Variants in ZCCHC8 observed in about 807,000 individuals in gnomAD.
The protein encoded by ZCCHC8 is zinc finger CCHC-type containing 8.
In ZCCHC8, 27 loss-of-function variants were observed where a neutral mutation model predicts 70.6. The ratio of observed to expected loss-of-function variants is 0.38; its 90% CI spans 0.28 to 0.53. The LOEUF (loss-of-function observed/expected upper bound fraction) is 0.53. Ranked by LOEUF, ZCCHC8 falls within the 20% of genes least tolerant of loss-of-function variation. The pLI, the probability that ZCCHC8 is intolerant of heterozygous loss-of-function variation, is 0.81. For missense variants in ZCCHC8, 737 were observed against 876.9 expected (o/e 0.84, Z 2.01); for synonymous variants, 293 against 317.4 (o/e 0.92, Z 0.82).
At chr12:122,487,496 G>A (rs928218709) in intron 5 of ZCCHC8, among the ~76,000 whole-genome samples, 1 of 152,138 alleles carries the variant, frequency 6.6e-6, no homozygotes, top group East Asian at 1.9e-4. Flanking sequence ...TTTGACTCCA[G>A]TAATACTGAA....
At chr12:122,485,245 G>C (rs949331118) in intron 5 of ZCCHC8, among the ~76,000 whole-genome samples, 1 of 152,222 alleles carries the variant, frequency 6.6e-6, no homozygotes, top group East Asian at 1.9e-4. Context: ...CTCTCAAGTA[G>C]CTGGGATTAC....
At chr12:122,477,777 T>G in intron 13 of ZCCHC8, 64 bp downstream of exon 13, 1 of 1,202,218 alleles carries the variant, frequency 8.3e-7, no homozygotes, top group Non-Finnish European at 1.2e-6. Flanking sequence ...GTGACAAGAG[T>G]GAGACTCCAT....
At position 122,474,235 on chromosome 12, in the gene ZCCHC8, A is replaced by G; in HGVS notation, c.1386T>C (p.Phe462=). Residue 462 remains phenylalanine (F), a synonymous_variant, in exon 14 of 14, where the codon TTT becomes TTC. Transcript: ENST00000633063. ...CAGGAGGTAATGGTGGTTGAAACTG[A>G]AAACTTTCGCTGCTCTGAGAACCAT... The part of the protein sequence containing the change: ...VPHGSQSSES[F]QFQPPLPPDT... The G allele has an allele frequency of 6.8e-7, 1 of 1,479,928 alleles. No homozygotes were observed. Among genetic ancestry groups the G allele is most frequent in the Non-Finnish European group, 8.9e-7 (1 of 1,120,736 alleles). The allele number at this position is 1,479,928 out of a possible 1,614,324, so 91.7% of individuals were successfully genotyped here.
chr12:122,481,272 G>T, intron 10 of ZCCHC8: 1 of 298,864 alleles, frequency 3.3e-6, no homozygotes, highest in East Asian at 5.9e-5. Context: ...AGCTTATGAG[G>T]ACTGGCTGGA....
intron 11 of ZCCHC8, among the ~76,000 whole-genome samples, chr12:122,479,019 CAA>C (rs1957478342): frequency 6.6e-6 from 1 of 152,212 alleles, no homozygotes; most frequent in African/African-American, 2.4e-5. Flanking sequence ...ACTCTAACTT[CAA>C]GTCTTTGGCT....
chr12:122,495,957 TAGG>T (rs1957821311), intron 2 of ZCCHC8, among the ~76,000 whole-genome samples: 1 of 148,568 alleles, frequency 6.7e-6, no homozygotes, highest in African/African-American at 2.5e-5. Context: ...CACTTGAGCC[TAGG>T]AGTTTGAAAC....
In ZCCHC8 at chr12:122,483,835, C is replaced by T. The variant is rs141429747; in HGVS notation, c.502-272G>A. 1.3e-3 allele frequency: 412 copies of T among 321,180 alleles called. 1 individual carries two copies. Among genetic ancestry groups the T allele is most frequent in the African/African-American group, 8.3e-3 (381 of 46,142 alleles). The allele number at this position is 321,180 out of a possible 1,614,324, so 19.9% of individuals were successfully genotyped here. A position where few individuals can be genotyped will look rare whatever the true frequency, so the allele number is the denominator to read the frequency against. On this transcript the variant is annotated intron_variant, in intron 5 of 13. Transcript: ENST00000633063. This position sits in a 1 kb window ranked among gnomAD's most constrained non-coding sequence, Gnocchi z 4.4. The stretch of plus-strand genomic sequence containing the variant: ...TTCAAACAAAAAATGAAAACCTTGA[C>T]TCTCATATTTCCCTCCAATGCCCCA...
chr12:122,482,805 G>T, intron 7 of ZCCHC8, 110 bp from the exon 8 acceptor site: 2 of 804,874 alleles, frequency 2.5e-6, no homozygotes, highest in Non-Finnish European at 4.0e-6. Flanking sequence ...AAAGCAAGTT[G>T]ATCACAGATC....
At position 122,473,732 on chromosome 12, in the gene ZCCHC8, A is replaced by G. The variant is rs1189763103; in HGVS notation, c.1889T>C (p.Val630Ala). The G allele has an allele frequency of 1.2e-6, 2 of 1,613,828 alleles. No individual in the cohort carries two copies. The highest frequency in any genetic ancestry group is 2.7e-5 in the African/African-American group (2 of 74,924). ...CCCATTGCTGATGTCACAGTTTGGT[A>G]CGACACTGCCATTATCAAGAAGGGC... ...EGALLDNGSVVPNCDISNGGS... is the reference protein window; with the variant it reads ...EGALLDNGSVAPNCDISNGGS... The change falls in exon 14 of 14, where the codon GTA becomes GCA. Residue 630 changes from valine to alanine, a missense_variant. Val to Ala is a moderately conservative substitution (Grantham distance 64). Coordinates refer to ENST00000633063, the MANE Select transcript of ZCCHC8 (RefSeq NM_017612.5).
chr12:122,483,289 TTACTTG>T lies in ZCCHC8; in HGVS notation c.655_660del (p.Gln219_Val220del). 6 of 1,597,060 alleles carry T rather than the reference TTACTTG, an allele frequency of 3.8e-6. No individual in the cohort carries two copies. The highest frequency in any genetic ancestry group is 5.1e-6 in the Non-Finnish European group (6 of 1,170,632). ...ACTCCCCACACAAACCTTTTTGCCT[TTACTTG>T]TATTTCTTGCCCTTCTAGAGAAACA... On this transcript the variant is annotated inframe_deletion, in exon 7 of 14. Transcript: ENST00000633063. This position sits in a 1 kb window ranked among gnomAD's most constrained non-coding sequence, Gnocchi z 4.4.
intron 4 of ZCCHC8, among the ~76,000 whole-genome samples, chr12:122,489,752 C>A: frequency 6.6e-6 from 1 of 151,910 alleles, no homozygotes; most frequent in East Asian, 1.9e-4. Context: ...ATAATATAAC[C>A]CTCACAGACC....
rs772092860 is a variant in ZCCHC8, at chr12:122,480,217, A to G, written c.1113T>C (p.Asn371=). The change falls in exon 11 of 14, where the codon AAT becomes AAC. Residue 371 remains asparagine (N), a synonymous_variant. Coordinates refer to ENST00000633063, the MANE Select transcript of ZCCHC8 (RefSeq NM_017612.5). ...LSKLVNYPGF[N]ISTPRGIPDE... Reference sequence around the variant, plus strand: ...CTGGAATTCCTCTGGGAGTAGATATATTAAAACCAGGATAGTTGACCAATT... The same window carrying G: ...CTGGAATTCCTCTGGGAGTAGATATGTTAAAACCAGGATAGTTGACCAATT... 4 of 1,594,844 alleles carry G rather than the reference A, an allele frequency of 2.5e-6. No homozygotes were observed. The highest frequency in any genetic ancestry group is 1.7e-5 in the Admixed American group (1 of 57,836).
At chr12:122,481,723 A>C in intron 9 of ZCCHC8, 59 bp from the exon 10 acceptor site, 1 of 1,555,850 alleles carries the variant, frequency 6.4e-7, no homozygotes, top group East Asian at 2.3e-5. Context: ...GAAAACACAT[A>C]GTATTCTGGT....
At position 122,473,999 on chromosome 12, in the gene ZCCHC8, G is replaced by C; in HGVS notation, c.1622C>G (p.Ser541Cys). The C allele has an allele frequency of 6.4e-7, 1 of 1,574,330 alleles. No individual in the cohort carries two copies. Among genetic ancestry groups the C allele is most frequent in the Non-Finnish European group, 8.6e-7 (1 of 1,161,856 alleles). Reference protein sequence around the residue: ...LEQAESVNSDSDVPVDTPLTG... With the variant: ...LEQAESVNSDCDVPVDTPLTG... ...TAAAGGTGTGTCCACAGGAACGTCGGAGTCGCTGTTTACGCTCTCGGCCTG... is the reference window on the plus strand; with the variant it reads ...TAAAGGTGTGTCCACAGGAACGTCGCAGTCGCTGTTTACGCTCTCGGCCTG... The change falls in exon 14 of 14, where the codon TCC becomes TGC. Residue 541 changes from serine (S) to cysteine (C), a missense_variant. Ser to Cys is a moderately radical substitution (Grantham distance 112, BLOSUM62 -1). Transcript: ENST00000633063.
intron 2 of ZCCHC8, among the ~76,000 whole-genome samples, chr12:122,498,372 G>A (rs1405945698): frequency 1.3e-5 from 2 of 151,526 alleles, no homozygotes; most frequent in African/African-American, 4.9e-5. Context: ...CAGTTGATCC[G>A]CCCACCTCGG....
Position 122,481,627 on chromosome 12 carries a change from T to C in ZCCHC8, c.913A>G (p.Ser305Gly). 6.2e-7 allele frequency: 1 copy of C among 1,613,836 alleles called. No homozygotes were observed. The highest frequency in any genetic ancestry group is 8.5e-7 in the Non-Finnish European group (1 of 1,179,874). The change falls in exon 10 of 14, where the codon AGT becomes GGT. Residue 305 changes from serine to glycine, a missense_variant. Physicochemically the swap from Ser to Gly is moderately conservative, Grantham distance 56. Transcript: ENST00000633063. ...ATCCGATAGATAAAAGGTGGAAGAC[T>C]CTTGTCTGTCACACCTAGTGCATCT... is the stretch of plus-strand genomic sequence containing the variant. ...LQDALGVTDK[S>G]LPPFIYRMRQ... is the part of the protein sequence containing the mutation.
rs982726634 is a variant in ZCCHC8 at position 122,500,909 on chromosome 12, G to C, written c.-69C>G. On this transcript the variant is annotated 5_prime_UTR_variant, in exon 1 of 14. Transcript: ENST00000633063. This position sits in a 1 kb window ranked among gnomAD's most constrained non-coding sequence, Gnocchi z 4.8. ...CAGGGCTTGGGGAAGAAGGTTGGAAGGCGGCACCACTCTCTAGAGCTCTGG... is the reference window on the plus strand; with the variant it reads ...CAGGGCTTGGGGAAGAAGGTTGGAACGCGGCACCACTCTCTAGAGCTCTGG... 6 of 1,499,710 alleles carry C rather than the reference G, an allele frequency of 4.0e-6. No homozygotes were observed. The African/African-American group carries it at 7.0e-5, about 17-fold the overall frequency. The allele number at this position is 1,499,710 out of a possible 1,614,324, so 92.9% of individuals were successfully genotyped here.
chr12:122,490,576 GA>G lies in ZCCHC8; in HGVS notation c.318-10del, dbSNP rs778740417. 8.2e-6 allele frequency: 13 copies of G among 1,577,246 alleles called. No homozygotes were observed. Among genetic ancestry groups the G allele is most frequent in the Non-Finnish European group, 9.5e-6 (11 of 1,153,666 alleles). ...TTTCTTGATGATATTGCCTGTGTAA[GA>G]GGACAAAATGGTCAGAACCCAGACA... is the stretch of plus-strand genomic sequence containing the variant. On this transcript the variant is annotated splice_polypyrimidine_tract_variant and intron_variant, in intron 3 of 13. Coordinates refer to ENST00000633063, the MANE Select transcript of ZCCHC8 (RefSeq NM_017612.5).
Position 122,500,807 on chromosome 12 carries a change from G to T in ZCCHC8, c.34C>A (p.Leu12Ile), listed in dbSNP as rs1233939328. 1.3e-6 allele frequency: 2 copies of T among 1,578,962 alleles called. No individual in the cohort carries two copies. Among genetic ancestry groups the T allele is most frequent in the African/African-American group, 2.7e-5 (2 of 74,080 alleles). ...TCTGGGTGGTCGAACGGCTCGAAGA[G>T]CTCTAGATCGCCAAAATACACCTCT... ...AAEVYFGDLELFEPFDHPEES... is the reference protein window; with the variant it reads ...AAEVYFGDLEIFEPFDHPEES... Residue 12 changes from leucine to isoleucine, a missense_variant, in exon 1 of 14, where the codon CTC (leucine) becomes ATC (isoleucine). Coordinates refer to ENST00000633063, the MANE Select transcript of ZCCHC8 (RefSeq NM_017612.5). The surrounding 1 kb of genome is among the most constrained non-coding windows in gnomAD (Gnocchi z 4.8).
Sources: allele counts gnomAD v4.1 joint callset (sites outside exome capture counted in the v4.1 genomes callset), GRCh38; gene constraint gnomAD v4.1.1; non-coding constraint Gnocchi (gnomAD v3.1); transcripts MANE v1.5; gene names NCBI Gene and HGNC (gene_info 2026-07-23, HGNC 2026-07-21).